Variants in MBD5 observed in about 807,000 individuals in gnomAD.
MBD5 encodes the protein methyl-CpG-binding domain protein 5.
In MBD5, 13 loss-of-function variants were observed where a neutral mutation model predicts 117.3. The ratio of observed to expected loss-of-function variants is 0.11; its 90% confidence interval spans 0.07 to 0.18. The LOEUF (loss-of-function observed/expected upper bound fraction) is 0.18, where lower values mean the gene tolerates loss of function less well. Among genes scored for constraint, MBD5 ranks in the 10% least tolerant of loss-of-function variants. The pLI, the probability that MBD5 is intolerant of heterozygous loss-of-function variation, is 1.00. For synonymous variants in MBD5, 727 were observed against 766.4 expected (o/e 0.95, Z 0.85); for missense variants, 1,879 against 2,093.8 (o/e 0.90, Z 2.00).
chr2:148,201,728 G>A (rs1345677940), intron 2 of MBD5, among the ~76,000 whole-genome samples: 1 of 152,152 alleles, frequency 6.6e-6, no homozygotes, highest in African/African-American at 2.4e-5. Context: ...TCAGTGGAGA[G>A]GGGATGCAAG....
chr2:148,144,958 A>C (rs527818828), intron 1 of MBD5, among the ~76,000 whole-genome samples: 15 of 152,298 alleles, frequency 9.8e-5, no homozygotes, highest in Admixed American at 3.9e-4. Context: ...TATGAACTTT[A>C]AAGTAGTTTT....
intron 3 of MBD5, chr2:148,264,308 GA>G (rs1700803211): frequency 1.4e-5 from 2 of 145,644 alleles, no homozygotes; most frequent in African/African-American, 2.5e-5. Flanking sequence ...CGAAGAAGAA[GA>G]AGAAGAAGAA....
chr2:148,344,153 A>C (rs1003554793), intron 4 of MBD5, among the ~76,000 whole-genome samples: 1 of 151,924 alleles, frequency 6.6e-6, no homozygotes, highest in Non-Finnish European at 1.5e-5. Context: ...TGGGTTCTTT[A>C]TTCTGTTCCA....
At chr2:148,063,046 C>CT (rs1194536206) in intron 1 of MBD5, among the ~76,000 whole-genome samples, 1 of 152,124 alleles carries the variant, frequency 6.6e-6, no homozygotes, top group Non-Finnish European at 1.5e-5. Context: ...CACTTAACCA[C>CT]TTTATGTTTT....
At chr2:148,452,952 C>A (rs1441489127) in intron 4 of MBD5, among the ~76,000 whole-genome samples, 2 of 151,992 alleles carry the variant, frequency 1.3e-5, no homozygotes, top group African/African-American at 4.8e-5. Flanking sequence ...ATTTTATAAG[C>A]CCACATGGTA....
At chr2:148,343,335 T>G (rs1703001076) in intron 4 of MBD5, among the ~76,000 whole-genome samples, 4 of 152,112 alleles carry the variant, frequency 2.6e-5, no homozygotes, top group Admixed American at 2.0e-4. Flanking sequence ...TTTAAGTTCT[T>G]TAAGAAATCT....
intron 1 of MBD5, among the ~76,000 whole-genome samples, chr2:148,121,476 T>C (rs1258678118): frequency 6.6e-6 from 1 of 152,094 alleles, no homozygotes; most frequent in Admixed American, 6.6e-5. Context: ...AACTTCTCTA[T>C]GGCTATATAT....
intron 4 of MBD5, among the ~76,000 whole-genome samples, chr2:148,448,114 T>C (rs963055389): frequency 3.4e-4 from 52 of 152,126 alleles, no homozygotes; most frequent in Non-Finnish European, 6.9e-4. Flanking sequence ...CTCCTTGAGA[T>C]ACTTTTCATA....
intron 2 of MBD5, among the ~76,000 whole-genome samples, chr2:148,183,600 T>G (rs1390717751): frequency 1.3e-5 from 2 of 152,086 alleles, no homozygotes; most frequent in Non-Finnish European, 2.9e-5. Context: ...CTCTTCATCT[T>G]CTCCTACCCC....
intron 1 of MBD5, among the ~76,000 whole-genome samples, chr2:148,134,615 C>T (rs1697132043): frequency 6.6e-6 from 1 of 152,114 alleles, no homozygotes; most frequent in African/African-American, 2.4e-5. Context: ...CCATTCTTCC[C>T]CCCAAATTAG....
intron 3 of MBD5, among the ~76,000 whole-genome samples, chr2:148,319,350 T>C (rs1702230232): frequency 6.6e-6 from 1 of 152,232 alleles, no homozygotes; most frequent in Admixed American, 6.5e-5. Flanking sequence ...TTGGGCAGTC[T>C]GGTCATTTTA....
At chr2:148,456,443 G>A (rs550199799) in intron 4 of MBD5, among the ~76,000 whole-genome samples, 2 of 152,142 alleles carry the variant, frequency 1.3e-5, no homozygotes, top group South Asian at 2.1e-4. Context: ...TACGGATTTG[G>A]GGGGGACACA....
At chr2:148,255,958 TA>T (rs913037059) in intron 3 of MBD5, among the ~76,000 whole-genome samples, 1 of 152,238 alleles carries the variant, frequency 6.6e-6, no homozygotes, top group African/African-American at 2.4e-5. Flanking sequence ...GGGACATAAG[TA>T]TTTCAGGGCC....
intron 11 of MBD5, among the ~76,000 whole-genome samples, chr2:148,497,659 C>T (rs1389105074): frequency 6.6e-6 from 1 of 151,818 alleles, no homozygotes; most frequent in Non-Finnish European, 1.5e-5. Context: ...GTGGTGCACC[C>T]CTATAATTCT....
intron 4 of MBD5, among the ~76,000 whole-genome samples, chr2:148,386,691 C>G (rs561275940): frequency 3.1e-4 from 43 of 140,122 alleles, no homozygotes; most frequent in African/African-American, 1.2e-3. Context: ...TGCACTCCAG[C>G]CTGGGCGACA....
intron 3 of MBD5, among the ~76,000 whole-genome samples, chr2:148,325,391 A>T (rs1702417778): frequency 6.6e-6 from 1 of 152,102 alleles, no homozygotes; most frequent in South Asian, 2.1e-4. Flanking sequence ...TATTGATTGG[A>T]ATAGTTTCAG....
chr2:148,247,028 C>T (rs905085164), intron 3 of MBD5, among the ~76,000 whole-genome samples: 2 of 152,056 alleles, frequency 1.3e-5, no homozygotes, highest in South Asian at 4.1e-4. Flanking sequence ...TTCTCTGCAA[C>T]ACCAAATAGT....
intron 4 of MBD5, among the ~76,000 whole-genome samples, chr2:148,396,979 G>T (rs1704735808): frequency 6.6e-6 from 1 of 152,070 alleles, no homozygotes; most frequent in Non-Finnish European, 1.5e-5. Flanking sequence ...TATAACATAT[G>T]AGTTATAACT....
intron 4 of MBD5, among the ~76,000 whole-genome samples, chr2:148,455,960 G>A (rs1389697513): frequency 6.6e-6 from 1 of 152,062 alleles, no homozygotes; most frequent in African/African-American, 2.4e-5. Context: ...ATGACACAAA[G>A]TTCATACCAC....
Sources: gnomAD v4.1 joint callset for allele counts (sites outside exome capture counted in the v4.1 genomes callset) on GRCh38, gnomAD v4.1.1 for gene constraint, MANE v1.5 for transcripts, NCBI Gene and HGNC (gene_info 2026-07-23, HGNC 2026-07-21) for gene names.